NUP98: variants seen among roughly 807,000 people sequenced by gnomAD.
The protein encoded by NUP98 is nuclear pore complex protein Nup98-Nup96.
Under a neutral mutation model 191.9 loss-of-function variants are expected in NUP98, and 26 were observed. The observed-to-expected ratio is 0.14, with a 90% CI of 0.10 to 0.19. The LOEUF (loss-of-function observed/expected upper bound fraction) is 0.19, where lower values mean the gene tolerates loss of function less well. Among genes scored for constraint, NUP98 ranks in the 10% least tolerant of loss-of-function variants. The pLI, the probability that NUP98 is intolerant of heterozygous loss-of-function variation, is 1.00. For synonymous variants in NUP98, 808 were observed against 778.4 expected (o/e 1.04, Z -0.63); for missense variants, 1,941 against 2,178.8 (o/e 0.89, Z 2.17).
At position 3,683,328 on chromosome 11, in the gene NUP98, T is replaced by G. The variant is rs752300595; in HGVS notation, c.4790A>C (p.Lys1597Thr). Reference sequence around the variant, plus strand: ...CACAGCTTTGGCCTCGTGGATCCATTTGGCAGGTACACGGAGCTTCTGGGT... The same window carrying G: ...CACAGCTTTGGCCTCGTGGATCCATGTGGCAGGTACACGGAGCTTCTGGGT... ...FLTQKLRVPA[K>T]WIHEAKAVRA... Residue 1597 changes from lysine to threonine, a missense_variant, in exon 30 of 33, where the codon AAA (lysine) becomes ACA (threonine). Coordinates refer to ENST00000324932, the MANE Select transcript of NUP98 (RefSeq NM_016320.5). 3.2e-5 allele frequency: 51 copies of G among 1,614,070 alleles called. No individual in the cohort carries two copies. The highest frequency in any genetic ancestry group is 1.1e-4 in the African/African-American group (8 of 74,924).
chr11:3,721,134 A>G (rs1301096664), intron 16 of NUP98: 4 of 169,196 alleles, frequency 2.4e-5, no homozygotes, highest in Non-Finnish European at 5.0e-5. Flanking sequence ...ACCACAGAAC[A>G]TTATTTTCAA....
chr11:3,797,206 G>A (rs1349452708), intron 1 of NUP98, among the ~76,000 whole-genome samples, 194 bp downstream of exon 1: 1 of 152,218 alleles, frequency 6.6e-6, no homozygotes, highest in Non-Finnish European at 1.5e-5. Context: ...TCTCTCCCAG[G>A]GCCTCCAAAG....
chr11:3,731,041 G>C (rs1157315389), intron 14 of NUP98, among the ~76,000 whole-genome samples: 1 of 152,186 alleles, frequency 6.6e-6, no homozygotes, highest in Non-Finnish European at 1.5e-5. Flanking sequence ...CCAGGCGGCA[G>C]ATCATATGCA....
intron 12 of NUP98, among the ~76,000 whole-genome samples, chr11:3,738,018 T>C (rs1294566952): frequency 6.7e-6 from 1 of 149,088 alleles, no homozygotes; most frequent in Non-Finnish European, 1.5e-5. Context: ...AATTACTCAT[T>C]TAGAAAACTG....
At chr11:3,705,858 T>C (rs1030479420) in intron 21 of NUP98, among the ~76,000 whole-genome samples, 3 of 151,858 alleles carry the variant, frequency 2.0e-5, no homozygotes, top group Non-Finnish European at 4.4e-5. Flanking sequence ...AGTTACAAAA[T>C]TGGGATTGGG....
intron 8 of NUP98, among the ~76,000 whole-genome samples, chr11:3,767,724 C>A (rs2081385101): frequency 6.6e-6 from 1 of 151,978 alleles, no homozygotes; most frequent in African/African-American, 2.4e-5. Context: ...TAATTTCATA[C>A]TTCCCTAAAA....
Position 3,695,553 on chromosome 11 carries a change from G to A in NUP98, c.4063C>T (p.Arg1355Trp), listed in dbSNP as rs138608568. Residue 1355 changes from arginine to tryptophan, a missense_variant, in exon 26 of 33, where the codon CGG becomes TGG. Around this residue, in one of 6 missense-constraint regions of NUP98, gnomAD observed 1,030 missense variants for 1,115.8 expected, o/e 0.92. Transcript: ENST00000324932. ...ACCAACTGCATGGTGAGCAGCTCCCGGACTGACTGGCTACCCACAAACTGA... is the reference window on the plus strand; with the variant it reads ...ACCAACTGCATGGTGAGCAGCTCCCAGACTGACTGGCTACCCACAAACTGA... ...LSQFVGSQSVRELLTMQLVDW... is the reference protein window; with the variant it reads ...LSQFVGSQSVWELLTMQLVDW... The A allele has an allele frequency of 5.0e-5, 80 of 1,606,888 alleles. No individual in the cohort carries two copies. Among genetic ancestry groups the A allele is most frequent in the Admixed American group, 4.6e-4 (27 of 59,038 alleles).
chr11:3,784,985 A>T (rs2082094663), intron 1 of NUP98, among the ~76,000 whole-genome samples: 1 of 151,942 alleles, frequency 6.6e-6, no homozygotes, highest in Non-Finnish European at 1.5e-5. Context: ...TAAAAATACA[A>T]AAATTAGCCA....
intron 20 of NUP98, among the ~76,000 whole-genome samples, chr11:3,709,586 T>C (rs1243921388): frequency 6.6e-6 from 1 of 150,924 alleles, no homozygotes; most frequent in African/African-American, 2.4e-5. Context: ...GCACCTGCAG[T>C]CCCAGTTACT....
intron 4 of NUP98, among the ~76,000 whole-genome samples, chr11:3,776,660 AT>A (rs1324915623): frequency 0.018 from 2,466 of 140,548 alleles, 48 homozygotes; most frequent in African/African-American, 0.053. Flanking sequence ...AATTTTTTGT[AT>A]TTTTTTTTTT....
In NUP98 at chr11:3,735,294, T is replaced by A. The variant is rs1319862682; in HGVS notation, c.1439A>T (p.Gln480Leu). 1.9e-6 allele frequency: 3 copies of A among 1,567,310 alleles called. No individual in the cohort carries two copies. Among genetic ancestry groups the A allele is most frequent in the East Asian group, 4.5e-5 (2 of 44,462 alleles). ...GATGTGCTGCTGGAGAACAGCCTGC[T>A]GGGCAGCAGAAGCATTTGGATCTGT... ...ALTDPNASAA[Q>L]QAVLQQHINS... The change falls in exon 13 of 33, where the codon CAG becomes CTG. Residue 480 changes from glutamine to leucine, a missense_variant. Gln to Leu is a moderately radical substitution (Grantham distance 113). Transcript: ENST00000324932.
At chr11:3,711,761 C>T in intron 20 of NUP98, 1 of 694,432 alleles carries the variant, frequency 1.4e-6, no homozygotes, top group Non-Finnish European at 1.8e-6. Context: ...CAATATATTT[C>T]CAGTTTCCCA....
At chr11:3,693,016 G>C (rs531074392) in intron 27 of NUP98, 13 of 479,172 alleles carry the variant, frequency 2.7e-5, no homozygotes, top group African/African-American at 9.8e-5. Flanking sequence ...AAATGAAGAA[G>C]AACCCTCTGA....
At chr11:3,777,513 C>T (rs866058670) in intron 4 of NUP98, among the ~76,000 whole-genome samples, 4 of 148,762 alleles carry the variant, frequency 2.7e-5, no homozygotes, top group Middle Eastern at 3.7e-3. Context: ...CCCAACTACT[C>T]GGGAGGCTGA....
At chr11:3,761,616 G>A (rs182142416) in intron 9 of NUP98, among the ~76,000 whole-genome samples, 225 of 152,206 alleles carry the variant, frequency 1.5e-3, no homozygotes, top group Non-Finnish European at 2.5e-3. Context: ...AAAATCAGCT[G>A]GGCGCAGTGG....
chr11:3,702,426 T>C, intron 23 of NUP98, 37 bp downstream of exon 23: 1 of 1,578,288 alleles, frequency 6.3e-7, no homozygotes, highest in Non-Finnish European at 8.7e-7. Flanking sequence ...ACCTATCATG[T>C]TGCCTTTCTC....
intron 28 of NUP98, among the ~76,000 whole-genome samples, chr11:3,688,142 C>G (rs1010402690): frequency 6.6e-6 from 1 of 152,026 alleles, no homozygotes; most frequent in African/African-American, 2.4e-5. Flanking sequence ...CGGTGGCTCA[C>G]GCCTGTAATC....
chr11:3,772,642 C>T (rs2081567579), intron 6 of NUP98, among the ~76,000 whole-genome samples: 1 of 151,810 alleles, frequency 6.6e-6, no homozygotes, highest in Non-Finnish European at 1.5e-5. Context: ...TAGCAAAATC[C>T]CATCTCTACT....
intron 10 of NUP98, among the ~76,000 whole-genome samples, chr11:3,758,391 T>C (rs936724226): frequency 8.0e-5 from 12 of 149,930 alleles, no homozygotes; most frequent in East Asian, 2.0e-4. Flanking sequence ...AATGAAAAAA[T>C]AGTCTACAAA....
Sources: allele counts gnomAD v4.1 joint callset (sites outside exome capture counted in the v4.1 genomes callset), GRCh38; gene constraint gnomAD v4.1.1; regional missense constraint gnomAD v4.1.1; transcripts MANE v1.5; gene names NCBI Gene and HGNC (gene_info 2026-07-23, HGNC 2026-07-21).